Variants in RBM33 observed in about 807,000 individuals in gnomAD.
RBM33 encodes RNA binding motif protein 33, also known as RNA-binding protein 33.
Under a neutral mutation model 132.6 loss-of-function variants are expected in RBM33, and 28 were observed. That is an observed-to-expected ratio of 0.21 (90% CI 0.16 to 0.29). RBM33 has a LOEUF of 0.29. RBM33 is among the 10% of genes least tolerant of loss of function. RBM33 has a pLI of 1.00. For synonymous variants in RBM33, 634 were observed against 593.0 expected (o/e 1.07, Z -1.01); for missense variants, 1,291 against 1,518.5 (o/e 0.85, Z 2.49).
At chr7:155,716,756 G>A (rs758775816) in intron 8 of RBM33, among the ~76,000 whole-genome samples, 6 of 152,114 alleles carry the variant, frequency 3.9e-5, no homozygotes, top group Non-Finnish European at 5.9e-5. Flanking sequence ...CATCAGCTGT[G>A]TAGAATTGAG....
At chr7:155,726,856 A>C (rs1255662238) in intron 9 of RBM33, among the ~76,000 whole-genome samples, 1 of 152,178 alleles carries the variant, frequency 6.6e-6, no homozygotes, top group Non-Finnish European at 1.5e-5. Flanking sequence ...AGAGTGTGAG[A>C]ATGTGGGTTC....
chr7:155,679,738 T>C lies in RBM33; in HGVS notation c.249-852T>C, dbSNP rs75912656. ...CTTTGACATCACTGTTATATTTTAA[T>C]CTTTTGAGTTAGATTGTCTTTTAGA... On this transcript the variant is annotated intron_variant, in intron 4 of 17. Transcript: ENST00000401878. Among the ~76,000 whole-genome samples, 4 of 152,252 alleles carry C rather than the reference T, an allele frequency of 2.6e-5. No individual in the cohort carries two copies. The East Asian group carries it at 7.7e-4, about 29-fold the overall frequency.
At chr7:155,736,005 G>A (rs12112855) in intron 9 of RBM33, among the ~76,000 whole-genome samples, 26 of 152,038 alleles carry the variant, frequency 1.7e-4, no homozygotes, top group Non-Finnish European at 5.9e-5. Flanking sequence ...TGGACTTTCT[G>A]TTGTACATGT....
intron 8 of RBM33, among the ~76,000 whole-genome samples, chr7:155,716,659 A>G (rs1398199538): frequency 6.6e-6 from 1 of 152,082 alleles, no homozygotes; most frequent in African/African-American, 2.4e-5. Context: ...CTTCATTATA[A>G]TCTTCTGAGG....
rs534863110 is a variant in RBM33, at chr7:155,674,373, T to C, written c.171+1458T>C. On this transcript the variant is annotated intron_variant, in intron 3 of 17. Transcript: ENST00000401878. ...GAATTATTTTGCATACTCTTCTAGG[T>C]GCTCTCACTTGTATTTTTGTACCTA... Among the ~76,000 whole-genome samples the C allele has an allele frequency of 2.0e-5, 3 of 152,308 alleles. No individual in the cohort carries two copies. The South Asian group carries it at 6.2e-4, about 32-fold the overall frequency.
chr7:155,768,669 TG>T (rs1337042326), intron 16 of RBM33, among the ~76,000 whole-genome samples: 2 of 152,262 alleles, frequency 1.3e-5, no homozygotes, highest in African/African-American at 4.8e-5. Context: ...CAGGCTGGAA[TG>T]CAGTGGTGCG....
rs936420892 is a variant in RBM33 at position 155,668,575 on chromosome 7, G to A, written c.122+3322G>A. Reference sequence around the variant, plus strand: ...CTTGGGGGCTGGTGAACTTTGCGTGGTGATACCTCTGCTTTTCCTGTTACC... The same window carrying A: ...CTTGGGGGCTGGTGAACTTTGCGTGATGATACCTCTGCTTTTCCTGTTACC... On this transcript the variant is annotated intron_variant, in intron 2 of 17. Transcript: ENST00000401878. Among the ~76,000 whole-genome samples the A allele has an allele frequency of 2.0e-5, 3 of 152,154 alleles. No homozygotes were observed. In the South Asian group the frequency reaches 6.2e-4, roughly 32 times the overall value.
intron 5 of RBM33, among the ~76,000 whole-genome samples, chr7:155,686,213 T>C (rs1799473750): frequency 6.6e-6 from 1 of 152,238 alleles, no homozygotes; most frequent in African/African-American, 2.4e-5. Context: ...ATTAAAAGTG[T>C]GCAGAGAGTA....
chr7:155,665,670 T>C (rs1217778357), intron 2 of RBM33, among the ~76,000 whole-genome samples: 2 of 152,238 alleles, frequency 1.3e-5, no homozygotes, highest in African/African-American at 4.8e-5. Flanking sequence ...TTCATTTTCC[T>C]GGTTACCAGT....
chr7:155,759,888 A>G (rs1296364303), intron 14 of RBM33, among the ~76,000 whole-genome samples: 2 of 152,162 alleles, frequency 1.3e-5, no homozygotes, highest in East Asian at 1.9e-4. Flanking sequence ...GCTGTCCGTC[A>G]TGTTCTGTGA....
intron 3 of RBM33, among the ~76,000 whole-genome samples, chr7:155,673,479 T>TAC (rs1563137288): frequency 7.2e-5 from 8 of 111,736 alleles, no homozygotes; most frequent in Non-Finnish European, 1.4e-4. Flanking sequence ...TACATACACG[T>TAC]GTGTATATAT....
Position 155,672,863 on chromosome 7 carries a change from C to G in RBM33, c.123-4C>G. The G allele has an allele frequency of 6.5e-7, 1 of 1,543,066 alleles. No homozygotes were observed. Among genetic ancestry groups the G allele is most frequent in the Middle Eastern group, 1.7e-4 (1 of 5,938 alleles). On this transcript the variant is annotated splice_region_variant and splice_polypyrimidine_tract_variant and intron_variant, in intron 2 of 17. Coordinates refer to ENST00000401878, the MANE Select transcript of RBM33 (RefSeq NM_053043.3). ...ATTGACATGTCTCTTTTTTTTCTCC[C>G]AAGTGAACTTGAAGATGATTTACTT...
chr7:155,663,879 T>C (rs1798723752), intron 1 of RBM33, among the ~76,000 whole-genome samples: 1 of 152,206 alleles, frequency 6.6e-6, no homozygotes, highest in South Asian at 2.1e-4. Context: ...AAACCTTTAA[T>C]TTCAATTCTT....
intron 11 of RBM33, 56 bp downstream of exon 11, chr7:155,738,459 G>C (rs1235154067): frequency 1.4e-6 from 2 of 1,457,930 alleles, no homozygotes; most frequent in Non-Finnish European, 1.9e-6. Flanking sequence ...AAGGCTTTGT[G>C]TTCCATAAAG....
chr7:155,667,696 G>A (rs79286486), intron 2 of RBM33, among the ~76,000 whole-genome samples: 75 of 152,236 alleles, frequency 4.9e-4, no homozygotes, highest in African/African-American at 1.7e-3. Flanking sequence ...GCCCACTTCA[G>A]GAGGCACAGG....
intron 1 of RBM33, among the ~76,000 whole-genome samples, chr7:155,661,259 C>T (rs949317439): frequency 6.6e-6 from 1 of 150,680 alleles, no homozygotes; most frequent in Non-Finnish European, 1.5e-5. Context: ...CTGCCTCAAC[C>T]TCCCGAGTAG....
At chr7:155,667,148 ATTG>A (rs1485604308) in intron 2 of RBM33, among the ~76,000 whole-genome samples, 5 of 152,176 alleles carry the variant, frequency 3.3e-5, no homozygotes, top group Non-Finnish European at 5.9e-5. Context: ...ATGCTTCAGT[ATTG>A]TTTAGCATGT....
intron 8 of RBM33, among the ~76,000 whole-genome samples, chr7:155,716,783 A>G (rs1481016593): frequency 1.3e-5 from 2 of 152,132 alleles, no homozygotes; most frequent in African/African-American, 4.8e-5. Flanking sequence ...GTTGGATTCT[A>G]TTTTATATAA....
In RBM33 at chr7:155,705,012, G is replaced by A. The variant is rs764036677; in HGVS notation, c.740-1848G>A. ...TTATTTTTATTTTGCCAAACAAATT[G>A]TGTATTCTATATGTATTTCAACTAT... is the stretch of plus-strand genomic sequence containing the variant. On this transcript the variant is annotated intron_variant, in intron 6 of 17. Coordinates refer to ENST00000401878, the MANE Select transcript of RBM33 (RefSeq NM_053043.3). 7.9e-5 allele frequency among the ~76,000 whole-genome samples: 12 copies of A among 152,138 alleles called. No individual in the cohort carries two copies. In the Middle Eastern group the frequency reaches 0.01, roughly 129 times the overall value.
Sources: gnomAD v4.1 joint callset for allele counts (sites outside exome capture counted in the v4.1 genomes callset) on GRCh38, gnomAD v4.1.1 for gene constraint, MANE v1.5 for transcripts, NCBI Gene and HGNC (gene_info 2026-07-23, HGNC 2026-07-21) for gene names.